The following DZANK1 variants were observed in gnomAD, a reference collection of about 807,000 sequenced individuals.
The protein encoded by DZANK1 is double zinc ribbon and ankyrin repeat-containing protein 1.
DZANK1 carries 91 observed loss-of-function variants against 94.5 expected under a neutral mutation model. That is an observed-to-expected ratio of 0.96 (90% CI 0.81 to 1.15). DZANK1 has a LOEUF of 1.15. DZANK1 is among the 50% of genes most tolerant of loss of function. The pLI is 0.00. For missense variants in DZANK1, 903 were observed against 916.4 expected (o/e 0.99, Z 0.19); for synonymous variants, 312 against 325.3 (o/e 0.96, Z 0.44).
intron 8 of DZANK1, among the ~76,000 whole-genome samples, chr20:18,435,882 T>C (rs2058501349): frequency 6.6e-6 from 1 of 152,114 alleles, no homozygotes; most frequent in African/African-American, 2.4e-5. Flanking sequence ...GGCCATGCCT[T>C]GCAGGGGAGG....
intron 15 of DZANK1, among the ~76,000 whole-genome samples, chr20:18,396,062 A>C (rs1049458915): frequency 6.6e-6 from 1 of 152,228 alleles, no homozygotes; most frequent in Non-Finnish European, 1.5e-5. Flanking sequence ...TTTGAAACAC[A>C]TTTACAGGCT....
intron 2 of DZANK1, among the ~76,000 whole-genome samples, 185 bp downstream of exon 2, chr20:18,465,065 C>T (rs2059597502): frequency 6.6e-6 from 1 of 152,098 alleles, no homozygotes; most frequent in Non-Finnish European, 1.5e-5. Context: ...CCATTTTAAT[C>T]TAAATGTATA....
At chr20:18,459,925 T>C (rs972907596) in intron 3 of DZANK1, among the ~76,000 whole-genome samples, 4 of 152,158 alleles carry the variant, frequency 2.6e-5, no homozygotes, top group East Asian at 1.9e-4. Context: ...ACAGTATTAA[T>C]ATACATAACA....
At chr20:18,389,390 A>G (rs902239214) in intron 19 of DZANK1, among the ~76,000 whole-genome samples, 2 of 152,180 alleles carry the variant, frequency 1.3e-5, no homozygotes, top group African/African-American at 2.4e-5. Context: ...CATGATGAAA[A>G]CATTGATTAA....
intron 2 of DZANK1, among the ~76,000 whole-genome samples, chr20:18,464,667 C>CTTTTT (rs1167738427): frequency 2.6e-5 from 2 of 77,824 alleles, no homozygotes; most frequent in Non-Finnish European, 4.8e-5. Context: ...AGCACCGGGA[C>CTTTTT]TTTTTTTTTT....
rs922401130 is a variant in DZANK1, at chr20:18,440,761, T to C, written c.747+2586A>G. Among the ~76,000 whole-genome samples, 43 of 152,290 alleles carry C rather than the reference T, an allele frequency of 2.8e-4. 1 individual carries two copies. Among genetic ancestry groups the C allele is most frequent in the African/African-American group, 9.6e-4 (40 of 41,566 alleles). On this transcript the variant is annotated intron_variant, in intron 8 of 20. Transcript: ENST00000262547. ...CAGACATAAGGGCAAACTACATCCA[T>C]TGGGCAGGAGGCACAGAGTGACAAG...
At position 18,460,520 on chromosome 20, in the gene DZANK1, G is replaced by A. The variant is rs183130054; in HGVS notation, c.110-214C>T. Among the ~76,000 whole-genome samples, 388 of 152,306 alleles carry A rather than the reference G, an allele frequency of 2.5e-3. 6 individuals carry two copies. The highest frequency in any genetic ancestry group is 0.021 in the Admixed American group (328 of 15,302). On this transcript the variant is annotated intron_variant, in intron 2 of 20. Coordinates refer to ENST00000262547, the Ensembl canonical transcript of DZANK1. ...CGAGGCGGGCGGATCACGAGGTCAG[G>A]AGTTCGAGACCATCCTGGCTAACAT... is the stretch of plus-strand genomic sequence containing the variant.
chr20:18,457,062 A>G (rs1396322059), intron 3 of DZANK1, among the ~76,000 whole-genome samples: 2 of 152,130 alleles, frequency 1.3e-5, no homozygotes, highest in African/African-American at 2.4e-5. Context: ...GACACTTCAT[A>G]TTGTCAGCCT....
chr20:18,463,634 C>T (rs1015843432), intron 2 of DZANK1, among the ~76,000 whole-genome samples: 12 of 152,104 alleles, frequency 7.9e-5, no homozygotes, highest in African/African-American at 2.7e-4. Flanking sequence ...TGATACCCTA[C>T]CATTCATATC....
chr20:18,385,932 G>A (rs1468191228), intron 19 of DZANK1, among the ~76,000 whole-genome samples: 1 of 152,226 alleles, frequency 6.6e-6, no homozygotes, highest in Non-Finnish European at 1.5e-5. Flanking sequence ...TGAGGGAGGA[G>A]TGGGCAACTG....
intron 10 of DZANK1, among the ~76,000 whole-genome samples, chr20:18,425,517 C>T (rs886949268): frequency 4.0e-5 from 6 of 151,644 alleles, no homozygotes; most frequent in African/African-American, 1.5e-4. Context: ...CACCACTGCA[C>T]CCCAGCCTGG....
At chr20:18,443,930 T>TA (rs1406683580) in intron 7 of DZANK1, among the ~76,000 whole-genome samples, 1 of 152,176 alleles carries the variant, frequency 6.6e-6, no homozygotes, top group Non-Finnish European at 1.5e-5. Flanking sequence ...CACCTTTGCT[T>TA]AGAGTCCTCA....
intron 19 of DZANK1, 79 bp downstream of exon 19, chr20:18,389,622 A>G: frequency 1.3e-6 from 2 of 1,573,098 alleles, no homozygotes; most frequent in East Asian, 2.2e-5. Flanking sequence ...GTGTGTGTGT[A>G]GACCGCTTCT....
intron 9 of DZANK1, among the ~76,000 whole-genome samples, chr20:18,427,723 G>T (rs1033135976): frequency 6.6e-6 from 1 of 151,838 alleles, no homozygotes; most frequent in African/African-American, 2.4e-5. Flanking sequence ...GACCAGCAAG[G>T]GATTATCTGT....
At chr20:18,464,451 C>T (rs1008616401) in intron 2 of DZANK1, among the ~76,000 whole-genome samples, 3 of 152,134 alleles carry the variant, frequency 2.0e-5, no homozygotes, top group Admixed American at 6.5e-5. Context: ...ACCTATTTAT[C>T]CTCACAATGG....
intron 8 of DZANK1, among the ~76,000 whole-genome samples, chr20:18,436,075 T>C (rs1466891592): frequency 6.6e-6 from 1 of 152,162 alleles, no homozygotes; most frequent in Non-Finnish European, 1.5e-5. Flanking sequence ...ACAGAAATTA[T>C]CTCTGAGTGC....
At chr20:18,398,586 G>A (rs1177477797) in exon 14 of DZANK1, 4 of 1,613,892 alleles carry the variant, frequency 2.5e-6, no homozygotes, top group Admixed American at 1.7e-5. Flanking sequence ...CATAACACCT[G>A]AGGTGAGCAG....
intron 7 of DZANK1, 71 bp downstream of exon 7, chr20:18,448,913 C>T: frequency 8.9e-6 from 9 of 1,009,966 alleles, no homozygotes; most frequent in South Asian, 2.8e-5. Context: ...AATGTCGTAT[C>T]TTTAAATTCT....
At chr20:18,418,077 C>G (rs1304671503) in intron 10 of DZANK1, among the ~76,000 whole-genome samples, 2 of 151,750 alleles carry the variant, frequency 1.3e-5, no homozygotes, top group Non-Finnish European at 2.9e-5. Flanking sequence ...CAGAGCATGA[C>G]TCTGTCTCAA....
Sources: allele counts gnomAD v4.1 joint callset (sites outside exome capture counted in the v4.1 genomes callset), GRCh38; gene constraint gnomAD v4.1.1; transcripts MANE v1.5; gene names NCBI Gene and HGNC (gene_info 2026-07-23, HGNC 2026-07-21).